The following THSD7B variants were observed in gnomAD, a reference collection of about 807,000 sequenced individuals.
The protein encoded by THSD7B is thrombospondin type 1 domain containing 7B, also known as thrombospondin type-1 domain-containing protein 7B.
A neutral mutation model predicts 213.6 loss-of-function variants in THSD7B; 138 were observed. The ratio of observed to expected loss-of-function variants is 0.65; its 90% CI spans 0.56 to 0.74. The LOEUF (loss-of-function observed/expected upper bound fraction) is 0.74, where lower values mean the gene tolerates loss of function less well. THSD7B is among the 30% of genes least tolerant of loss of function. The pLI is 0.00. For missense variants in THSD7B, 1,931 were observed against 1,991.5 expected, an observed-to-expected ratio of 0.97 and a Z score of 0.58; for synonymous variants, 742 against 687.0, an observed-to-expected ratio of 1.08 and a Z score of -1.25.
At chr2:137,514,635 A>T (rs994950461) in intron 15 of THSD7B, among the ~76,000 whole-genome samples, 1 of 152,176 alleles carries the variant, frequency 6.6e-6, no homozygotes, top group Non-Finnish European at 1.5e-5. Context: ...TTAAAGACAA[A>T]GTTCTTTTGT....
At chr2:137,563,814 A>T (rs1313101679) in intron 16 of THSD7B, among the ~76,000 whole-genome samples, 1 of 152,204 alleles carries the variant, frequency 6.6e-6, no homozygotes, top group Non-Finnish European at 1.5e-5. Context: ...ACCTATGAAC[A>T]GTAGCAATAC....
At chr2:137,067,980 A>G (rs535327746) in intron 3 of THSD7B, among the ~76,000 whole-genome samples, 44 of 152,168 alleles carry the variant, frequency 2.9e-4, no homozygotes, top group Admixed American at 2.8e-3. Flanking sequence ...GTAGACACTG[A>G]GCCTCCAGTA....
rs1255534755 is a variant in THSD7B, at chr2:136,936,542, C to T, written c.139+54225C>T. Among the ~76,000 whole-genome samples the T allele has an allele frequency of 2.6e-5, 4 of 152,080 alleles. No individual in the cohort carries two copies. In the East Asian group the frequency reaches 7.7e-4, roughly 29 times the overall value. On this transcript the variant is annotated intron_variant, in intron 2 of 27. Coordinates refer to ENST00000409968, the MANE Select transcript of THSD7B (RefSeq NM_001316349.2). ...GCCACAACCTGGATGGGATTGGAGA[C>T]TATTATTCTAAGAAAAGTAACTCAG... is the stretch of plus-strand genomic sequence containing the variant.
At chr2:137,192,643 A>T (rs926372880) in intron 7 of THSD7B, among the ~76,000 whole-genome samples, 2 of 152,152 alleles carry the variant, frequency 1.3e-5, no homozygotes, top group Non-Finnish European at 1.5e-5. Flanking sequence ...GGGCTTTTTT[A>T]AAAAAATAAA....
At chr2:137,131,976 G>A (rs2104954597) in intron 5 of THSD7B, among the ~76,000 whole-genome samples, 1 of 150,722 alleles carries the variant, frequency 6.6e-6, no homozygotes, top group East Asian at 2.0e-4. Context: ...TGGGCAGTAT[G>A]GCCATTTTCA....
chr2:137,062,546 C>T (rs938901976), intron 3 of THSD7B, among the ~76,000 whole-genome samples: 2 of 151,694 alleles, frequency 1.3e-5, no homozygotes, highest in Middle Eastern at 3.4e-3. Flanking sequence ...AATATTTTTG[C>T]ATTTCTCTTG....
At chr2:136,869,388 CAATTT>C (rs1329172103) in intron 1 of THSD7B, among the ~76,000 whole-genome samples, 1 of 152,156 alleles carries the variant, frequency 6.6e-6, no homozygotes, top group Non-Finnish European at 1.5e-5. Flanking sequence ...CTGCTGTTCT[CAATTT>C]AAATAATTTC....
rs138034864 is a variant in THSD7B at position 137,657,894 on chromosome 2, G to C, written c.4375+734G>C. Among the ~76,000 whole-genome samples the C allele has an allele frequency of 5.3e-5, 8 of 152,114 alleles. No homozygotes were observed. The East Asian group carries it at 9.7e-4, about 18-fold the overall frequency. On this transcript the variant is annotated intron_variant, in intron 24 of 27. Coordinates refer to ENST00000409968, the MANE Select transcript of THSD7B (RefSeq NM_001316349.2). ...CACGCCCAGCTAATTTTTGTGTTTA[G>C]TACAGACAGGGTTTCACCATGTTGG... is the stretch of plus-strand genomic sequence containing the variant.
At chr2:136,944,427 T>C (rs984830774) in intron 2 of THSD7B, among the ~76,000 whole-genome samples, 4 of 152,206 alleles carry the variant, frequency 2.6e-5, no homozygotes, top group Non-Finnish European at 5.9e-5. Context: ...GTTCAAGTCC[T>C]GGATATCCTT....
intron 3 of THSD7B, among the ~76,000 whole-genome samples, chr2:137,068,940 T>A (rs1335605460): frequency 6.6e-6 from 1 of 152,094 alleles, no homozygotes; most frequent in Non-Finnish European, 1.5e-5. Context: ...AGAGCTTTAA[T>A]TAATGCCCTT....
chr2:137,500,637 A>G (rs1679681143), intron 15 of THSD7B, among the ~76,000 whole-genome samples: 2 of 152,250 alleles, frequency 1.3e-5, no homozygotes, highest in Admixed American at 1.3e-4. Flanking sequence ...TAAAATGAAC[A>G]TACTAATATG....
intron 4 of THSD7B, among the ~76,000 whole-genome samples, chr2:137,099,002 T>C (rs946083536): frequency 6.6e-6 from 1 of 152,234 alleles, no homozygotes; most frequent in Non-Finnish European, 1.5e-5. Flanking sequence ...GTTGTAGTTT[T>C]TGATTAAGGC....
chr2:137,158,709 C>T (rs7557422), intron 5 of THSD7B, among the ~76,000 whole-genome samples: 105,942 of 151,878 alleles, frequency 0.7, 37,341 homozygotes, highest in Non-Finnish European at 0.75. Flanking sequence ...CGAAGTTCTG[C>T]TGGTCAGTGC....
chr2:136,953,784 C>T (rs184876800), intron 2 of THSD7B, among the ~76,000 whole-genome samples: 140 of 152,308 alleles, frequency 9.2e-4, no homozygotes, highest in African/African-American at 3.3e-3. Context: ...CCTTAAATAG[C>T]TTTTCAGTTC....
chr2:137,476,781 C>T (rs147356479), intron 15 of THSD7B, among the ~76,000 whole-genome samples: 37 of 152,252 alleles, frequency 2.4e-4, no homozygotes, highest in African/African-American at 8.2e-4. Context: ...CTCAGGTGAT[C>T]CACCCACTTC....
intron 1 of THSD7B, among the ~76,000 whole-genome samples, chr2:136,795,257 T>C (rs1314024098): frequency 2.6e-5 from 4 of 151,958 alleles, no homozygotes; most frequent in Admixed American, 2.0e-4. Flanking sequence ...ATGCATGTTC[T>C]TGCCTTTCAT....
intron 1 of THSD7B, among the ~76,000 whole-genome samples, chr2:136,852,750 A>T (rs1278058227): frequency 6.6e-6 from 1 of 152,004 alleles, no homozygotes; most frequent in Non-Finnish European, 1.5e-5. Context: ...CTAAAAGAGC[A>T]CTCTAAATAT....
chr2:136,769,843 A>G (rs1321120022), intron 1 of THSD7B, among the ~76,000 whole-genome samples: 2 of 152,218 alleles, frequency 1.3e-5, no homozygotes, highest in Non-Finnish European at 1.5e-5. Flanking sequence ...TGCATGAATA[A>G]AAAAGGCTAT....
Position 137,057,030 on chromosome 2 carries a change from A to G in THSD7B, c.750A>G (p.Lys250=). Residue 250 remains lysine (K), a synonymous_variant, in exon 3 of 28, where the codon AAA becomes AAG. Coordinates refer to ENST00000409968, the MANE Select transcript of THSD7B (RefSeq NM_001316349.2). ...TFSLKVGPWS[K]CRLPHLKEIN... ...GCCTTAAGGTTGGACCATGGAGTAAATGCAGACTGCCTCATCTTAAAGAAA... is the reference window on the plus strand; with the variant it reads ...GCCTTAAGGTTGGACCATGGAGTAAGTGCAGACTGCCTCATCTTAAAGAAA... 6.2e-7 allele frequency: 1 copy of G among 1,613,976 alleles called. No individual in the cohort carries two copies. Among genetic ancestry groups the G allele is most frequent in the Non-Finnish European group, 8.5e-7 (1 of 1,179,884 alleles).
Sources: gnomAD v4.1 joint callset for allele counts (sites outside exome capture counted in the v4.1 genomes callset) on GRCh38, gnomAD v4.1.1 for gene constraint, MANE v1.5 for transcripts, NCBI Gene and HGNC (gene_info 2026-07-23, HGNC 2026-07-21) for gene names.